RFX4: variants seen among roughly 807,000 people sequenced by gnomAD.
RFX4 encodes transcription factor RFX4.
In RFX4, 10 loss-of-function variants were observed where a neutral mutation model predicts 95.0. That is an observed-to-expected ratio of 0.11 (90% CI 0.06 to 0.18). The LOEUF is 0.18. Among genes scored for constraint, RFX4 ranks in the 10% least tolerant of loss-of-function variants. The pLI, the probability that RFX4 is intolerant of heterozygous loss-of-function variation, is 1.00. For missense variants in RFX4, 640 were observed against 922.0 expected, an observed-to-expected ratio of 0.69 and a Z score of 3.96; for synonymous variants, 321 against 340.7, an observed-to-expected ratio of 0.94 and a Z score of 0.64.
At chr12:106,616,781 G>A (rs1247374761) in intron 2 of RFX4, among the ~76,000 whole-genome samples, 2 of 151,754 alleles carry the variant, frequency 1.3e-5, no homozygotes, top group Non-Finnish European at 2.9e-5. Flanking sequence ...CTTTTTTTGA[G>A]ACGGAGTCTC....
At chr12:106,611,757 C>T (rs1391338459) in intron 2 of RFX4, among the ~76,000 whole-genome samples, 3 of 152,058 alleles carry the variant, frequency 2.0e-5, no homozygotes, top group Admixed American at 1.3e-4. Flanking sequence ...GTGATCTGCC[C>T]CCCTCAGCCT....
At chr12:106,608,988 C>A in intron 2 of RFX4, 105 bp downstream of exon 2, 2 of 887,978 alleles carry the variant, frequency 2.3e-6, no homozygotes, top group Non-Finnish European at 3.6e-6. Flanking sequence ...TCACCTGGAA[C>A]AAGACACTCT....
At chr12:106,717,303 A>T (rs1221606830) in intron 11 of RFX4, among the ~76,000 whole-genome samples, 2 of 152,214 alleles carry the variant, frequency 1.3e-5, no homozygotes, top group African/African-American at 2.4e-5. Context: ...TAGCAGTGTT[A>T]GACTCAGTTC....
intron 1 of RFX4, among the ~76,000 whole-genome samples, chr12:106,585,035 C>G (rs145039535): frequency 3.8e-4 from 58 of 152,370 alleles, no homozygotes; most frequent in African/African-American, 1.4e-3. Context: ...ATCTCAAGCG[C>G]TGCGCCCTCA....
At chr12:106,744,051 C>T (rs1183663288) in intron 15 of RFX4, among the ~76,000 whole-genome samples, 1 of 152,198 alleles carries the variant, frequency 6.6e-6, no homozygotes, top group East Asian at 1.9e-4. Context: ...AATCCCACCA[C>T]TCAATGATAA....
At chr12:106,699,935 A>G (rs1037976969) in intron 8 of RFX4, among the ~76,000 whole-genome samples, 9 of 151,980 alleles carry the variant, frequency 5.9e-5, no homozygotes, top group Non-Finnish European at 4.4e-5. Flanking sequence ...GTTGTTTTCT[A>G]TTAGTTTCAT....
In RFX4 at chr12:106,609,009, A is replaced by G. The variant is rs2039899394; in HGVS notation, c.130+126A>G. The G allele has an allele frequency of 4.1e-6, 3 of 737,132 alleles. No individual in the cohort carries two copies. In the Admixed American group the frequency reaches 7.9e-5, roughly 19 times the overall value. The allele number at this position is 737,132 out of a possible 1,614,324, so 45.7% of individuals were successfully genotyped here. A position where few individuals can be genotyped will look rare whatever the true frequency, so the allele number is the denominator to read the frequency against. The stretch of plus-strand genomic sequence containing the variant: ...GGAACAAGACACTCTCTAGCTATTT[A>G]TGAAATATCCCAGGTCCTCTCTGTA... On this transcript the variant is annotated intron_variant, in intron 2 of 17. Coordinates refer to ENST00000392842, the MANE Select transcript of RFX4 (RefSeq NM_213594.3).
At chr12:106,695,505 C>T (rs981904673) in intron 7 of RFX4, among the ~76,000 whole-genome samples, 3 of 152,172 alleles carry the variant, frequency 2.0e-5, no homozygotes, top group African/African-American at 7.2e-5. Flanking sequence ...CTCTGCCCTT[C>T]GTTCAGTAAC....
rs371960794 is a variant in RFX4 at position 106,715,559 on chromosome 12, C to T, written c.1138+15C>T. On this transcript the variant is annotated intron_variant, in intron 11 of 17. Coordinates refer to ENST00000392842, the MANE Select transcript of RFX4 (RefSeq NM_213594.3). ...CATCACCCAATGTAAGCTGTCCCAC[C>T]AGGGATTGTTGTCCTGTTTTTATTT... 3.6e-5 allele frequency: 58 copies of T among 1,610,822 alleles called. No homozygotes were observed. The highest frequency in any genetic ancestry group is 4.8e-5 in the Non-Finnish European group (56 of 1,178,490).
At chr12:106,682,142 T>G in intron 5 of RFX4, 88 bp downstream of exon 5, 4 of 1,341,326 alleles carry the variant, frequency 3.0e-6, no homozygotes, top group Non-Finnish European at 3.2e-6. Context: ...TCCTGAGCTC[T>G]GTCTGCAGGC....
intron 1 of RFX4, among the ~76,000 whole-genome samples, chr12:106,608,118 G>A (rs1303199512): frequency 6.6e-6 from 1 of 152,144 alleles, no homozygotes; most frequent in Non-Finnish European, 1.5e-5. Context: ...GAGCCCGGGA[G>A]GCGGAGGTTG....
intron 17 of RFX4, among the ~76,000 whole-genome samples, chr12:106,751,375 T>G (rs1487814206): frequency 1.0e-3 from 151 of 146,800 alleles, no homozygotes; most frequent in African/African-American, 3.1e-3. Context: ...TTTGCTATTG[T>G]GAATAATGCC....
At chr12:106,682,086 G>A (rs748273668) in intron 5 of RFX4, 32 bp downstream of exon 5, 2 of 1,612,164 alleles carry the variant, frequency 1.2e-6, no homozygotes, top group Non-Finnish European at 1.7e-6. Flanking sequence ...CACCTGCAGA[G>A]CGCACATCTA....
Position 106,586,696 on chromosome 12 carries a change from T to C in RFX4, c.43+3333T>C, listed in dbSNP as rs1231546950. On this transcript the variant is annotated intron_variant, in intron 1 of 17. Coordinates refer to ENST00000392842, the MANE Select transcript of RFX4 (RefSeq NM_213594.3). This position sits in a 1 kb window ranked among gnomAD's most constrained non-coding sequence, Gnocchi z 5.6. The stretch of plus-strand genomic sequence containing the variant: ...GCATCGGTGGGAGGGCACGCTAGTT[T>C]ACAGGCCCCCAGCTCAGCACAAATT... Among the ~76,000 whole-genome samples, 1 of 152,150 alleles carries C rather than the reference T, an allele frequency of 6.6e-6. No individual in the cohort carries two copies. The highest frequency in any genetic ancestry group is 2.4e-5 in the African/African-American group (1 of 41,442).
chr12:106,697,216 C>T (rs557647543), intron 8 of RFX4, among the ~76,000 whole-genome samples: 18 of 152,246 alleles, frequency 1.2e-4, no homozygotes, highest in African/African-American at 4.1e-4. Flanking sequence ...CTACTCCGTC[C>T]ACACCTTTGT....
chr12:106,667,486 T>C (rs972622633), intron 4 of RFX4, among the ~76,000 whole-genome samples: 24 of 152,224 alleles, frequency 1.6e-4, no homozygotes, highest in Admixed American at 2.6e-4. Flanking sequence ...GTCAAGCTCC[T>C]AGAGGTACAT....
chr12:106,667,247 C>T (rs1401109044), intron 4 of RFX4, among the ~76,000 whole-genome samples: 5 of 152,146 alleles, frequency 3.3e-5, no homozygotes, highest in African/African-American at 9.7e-5. Context: ...TATTTCCCTT[C>T]TCCGCATGGA....
At chr12:106,625,137 G>A (rs1214405371) in intron 2 of RFX4, among the ~76,000 whole-genome samples, 1 of 152,192 alleles carries the variant, frequency 6.6e-6, no homozygotes. Flanking sequence ...AGGAAACTGA[G>A]GCTTAGAGAA....
chr12:106,736,760 C>T (rs1340132077), intron 15 of RFX4, among the ~76,000 whole-genome samples: 1 of 152,162 alleles, frequency 6.6e-6, no homozygotes, highest in Non-Finnish European at 1.5e-5. Flanking sequence ...TCTGTTCCTT[C>T]CCATCCCACT....
Sources: allele counts gnomAD v4.1 joint callset (sites outside exome capture counted in the v4.1 genomes callset), GRCh38; gene constraint gnomAD v4.1.1; non-coding constraint Gnocchi (gnomAD v3.1); transcripts MANE v1.5; gene names NCBI Gene and HGNC (gene_info 2026-07-23, HGNC 2026-07-21).